The following ALMS1 variants were observed in gnomAD, a reference collection of about 807,000 sequenced individuals.
The protein encoded by ALMS1 is ALMS1 centrosome and basal body associated protein.
Under a neutral mutation model 352.2 loss-of-function variants are expected in ALMS1, and 271 were observed. The ratio of observed to expected loss-of-function variants is 0.77; its 90% CI spans 0.70 to 0.85. ALMS1 has a LOEUF of 0.85. Among genes scored for constraint, ALMS1 ranks in the 40% least tolerant of loss-of-function variants. The probability of loss-of-function intolerance (pLI) is 0.00; values close to 1 mark genes in which losing one functional copy is unlikely to be tolerated. For synonymous variants in ALMS1, 1,865 were observed against 1,761.2 expected (o/e 1.06, Z -1.48); for missense variants, 5,445 against 4,870.7 (o/e 1.12, Z -3.51).
At chr2:73,596,776 G>T (rs1486165543) in intron 16 of ALMS1, among the ~76,000 whole-genome samples, 3 of 149,584 alleles carry the variant, frequency 2.0e-5, no homozygotes, top group Admixed American at 2.0e-4. Flanking sequence ...GGCCAATCTA[G>T]ATCTGTCCTT....
At chr2:73,460,161 C>T (rs1672158599) in intron 9 of ALMS1, among the ~76,000 whole-genome samples, 1 of 152,160 alleles carries the variant, frequency 6.6e-6, no homozygotes, top group South Asian at 2.1e-4. Context: ...CTCAGCCCCA[C>T]TGCTCTTCAT....
Position 73,450,125 on chromosome 2 carries a change from A to AT in ALMS1, c.3602dup (p.Tyr1202LeufsTer8). The AT allele has an allele frequency of 6.2e-7, 1 of 1,614,008 alleles. No individual in the cohort carries two copies. The highest frequency in any genetic ancestry group is 8.5e-7 in the Non-Finnish European group (1 of 1,179,964). On this transcript the variant is annotated frameshift_variant, in exon 8 of 23. Coordinates refer to ENST00000613296, the MANE Select transcript of ALMS1 (RefSeq NM_001378454.1). LOFTEE classifies it high-confidence loss of function. ...CTACTCACAAAGAGAGAAACCTGGT[A>AT]TTTTCTATCAACAGACCTTGCCAGG... is the stretch of plus-strand genomic sequence containing the variant.
chr2:73,525,894 A>G lies in ALMS1; in HGVS notation c.9781+5878A>G, dbSNP rs550562154. 7.2e-5 allele frequency among the ~76,000 whole-genome samples: 11 copies of G among 152,236 alleles called. No individual in the cohort carries two copies. The South Asian group carries it at 2.3e-3, about 32-fold the overall frequency. ...AGTTTTCTCAGTGTTTTCTTCCTGT[A>G]GTTTCATAGCTTGAGGTCTTAGATT... On this transcript the variant is annotated intron_variant, in intron 11 of 22. Transcript: ENST00000613296.
intron 1 of ALMS1, among the ~76,000 whole-genome samples, chr2:73,388,693 A>G (rs139330907): frequency 1.6e-4 from 24 of 152,368 alleles, no homozygotes; most frequent in Admixed American, 1.6e-3. Flanking sequence ...GTATATTAAT[A>G]CATACTACAT....
chr2:73,545,948 A>G (rs980846833), intron 12 of ALMS1, among the ~76,000 whole-genome samples: 1 of 152,160 alleles, frequency 6.6e-6, no homozygotes, highest in Non-Finnish European at 1.5e-5. Context: ...TTATTTGGGT[A>G]TGATTCTAGA....
rs11895435 is a variant in ALMS1 at position 73,526,783 on chromosome 2, C to T, written c.9781+6767C>T. Among the ~76,000 whole-genome samples, 573 of 152,256 alleles carry T rather than the reference C, an allele frequency of 3.8e-3. 3 individuals are homozygous for T. The highest frequency in any genetic ancestry group is 0.013 in the African/African-American group (524 of 41,546). ...TCTATCTTTCTCTTGTCTGATTGCTCGAGCTAGGACTTCCAGTGCTATGTT... is the reference window on the plus strand; with the variant it reads ...TCTATCTTTCTCTTGTCTGATTGCTTGAGCTAGGACTTCCAGTGCTATGTT... On this transcript the variant is annotated intron_variant, in intron 11 of 22. Transcript: ENST00000613296.
In ALMS1 at chr2:73,449,576, T is replaced by A. The variant is rs997927277; in HGVS notation, c.3049T>A (p.Trp1017Arg). ...GCCCAGTATTTTCTATCAACAGGAG[T>A]GGCCAGATAGTTATGCAACTGAAAA... ...EKPSIFYQQE[W>R]PDSYATEKAL... The change falls in exon 8 of 23, where the codon TGG becomes AGG. Residue 1017 changes from tryptophan (W) to arginine (R), a missense_variant. Physicochemically the swap from Trp to Arg is moderately radical, Grantham distance 101. Transcript: ENST00000613296. 6 of 1,613,942 alleles carry A rather than the reference T, an allele frequency of 3.7e-6. No homozygotes were observed. In the Admixed American group the frequency reaches 8.3e-5, roughly 22 times the overall value.
chr2:73,407,415 C>G (rs1670992945), intron 1 of ALMS1, among the ~76,000 whole-genome samples: 1 of 152,140 alleles, frequency 6.6e-6, no homozygotes, highest in African/African-American at 2.4e-5. Flanking sequence ...GGGACAGATA[C>G]TCAAATCATA....
At chr2:73,456,152 T>G (rs1672055265) in intron 9 of ALMS1, among the ~76,000 whole-genome samples, 1 of 152,208 alleles carries the variant, frequency 6.6e-6, no homozygotes, top group Non-Finnish European at 1.5e-5. Context: ...TTGTTTCTCC[T>G]TTCCCAGTCA....
chr2:73,588,546 G>A (rs1164946614), intron 16 of ALMS1, among the ~76,000 whole-genome samples: 1 of 152,028 alleles, frequency 6.6e-6, no homozygotes, highest in Non-Finnish European at 1.5e-5. Context: ...CCCTTCTGCA[G>A]TTCTGTTTCT....
At chr2:73,467,591 A>G (rs938926295) in intron 9 of ALMS1, among the ~76,000 whole-genome samples, 12 of 152,054 alleles carry the variant, frequency 7.9e-5, no homozygotes, top group Admixed American at 5.9e-4. Flanking sequence ...CTTCATTCCT[A>G]CTTCTTTTTA....
At chr2:73,602,679 G>C (rs1675725889) in intron 20 of ALMS1, among the ~76,000 whole-genome samples, 1 of 152,176 alleles carries the variant, frequency 6.6e-6, no homozygotes, top group South Asian at 2.1e-4. Context: ...TTCCAGGCTT[G>C]CCTACCTCTT....
rs1671994463 is a variant in ALMS1 at position 73,453,489 on chromosome 2, C to A, written c.6962C>A (p.Pro2321Gln). Residue 2321 changes from proline (P) to glutamine (Q), a missense_variant, in exon 8 of 23, where the codon CCA becomes CAA. Transcript: ENST00000613296. ...VSNGDLLHRQ[P>Q]FTEESPSSRC... is the part of the protein sequence containing the mutation. ...AATGGTGATTTGCTTCACAGACAGC[C>A]ATTCACAGAGGAAAGCCCAAGCAGC... 1 of 1,613,486 alleles carries A rather than the reference C, an allele frequency of 6.2e-7. No individual in the cohort carries two copies. Among genetic ancestry groups the A allele is most frequent in the Non-Finnish European group, 8.5e-7 (1 of 1,179,808 alleles).
At chr2:73,440,154 T>C (rs937924722) in intron 7 of ALMS1, among the ~76,000 whole-genome samples, 1 of 152,004 alleles carries the variant, frequency 6.6e-6, no homozygotes, top group African/African-American at 2.4e-5. Context: ...CTAATTGTTT[T>C]ATATTTTTAG....
At position 73,453,603 on chromosome 2, in the gene ALMS1, T is replaced by A; in HGVS notation, c.7076T>A (p.Val2359Asp). Reference protein sequence around the residue: ...ENWEFISSTTVRSPLQEAESK... With the variant: ...ENWEFISSTTDRSPLQEAESK... ...TGGGAGTTTATTAGTTCAACTACAG[T>A]TAGAAGTCCTCTACAGGAAGCAGAG... The change falls in exon 8 of 23, where the codon GTT becomes GAT. Residue 2359 changes from valine (V) to aspartate (D), a missense_variant. Val to Asp is a radical substitution (Grantham distance 152, BLOSUM62 -3). Coordinates refer to ENST00000613296, the MANE Select transcript of ALMS1 (RefSeq NM_001378454.1). 1 of 1,613,914 alleles carries A rather than the reference T, an allele frequency of 6.2e-7. No individual in the cohort carries two copies. The highest frequency in any genetic ancestry group is 8.5e-7 in the Non-Finnish European group (1 of 1,179,988).
At chr2:73,603,003 G>A (rs573009441) in intron 20 of ALMS1, among the ~76,000 whole-genome samples, 2 of 152,250 alleles carry the variant, frequency 1.3e-5, no homozygotes, top group South Asian at 2.1e-4. Context: ...TTTAGAAACC[G>A]GCCAGATTTT....
At chr2:73,545,393 C>G (rs2104022072) in intron 12 of ALMS1, among the ~76,000 whole-genome samples, 2 of 152,158 alleles carry the variant, frequency 1.3e-5, no homozygotes, top group South Asian at 4.1e-4. Context: ...GTTGGCCAGG[C>G]TGGTCTCAAA....
intron 7 of ALMS1, among the ~76,000 whole-genome samples, chr2:73,438,396 A>G (rs910100565): frequency 1.3e-5 from 2 of 152,244 alleles, no homozygotes; most frequent in African/African-American, 4.8e-5. Flanking sequence ...CACACTTAAC[A>G]TAATTTGAAT....
chr2:73,541,953 G>T (rs1408411860), intron 12 of ALMS1, among the ~76,000 whole-genome samples: 1 of 152,160 alleles, frequency 6.6e-6, no homozygotes, highest in African/African-American at 2.4e-5. Context: ...GGAGGAGCTG[G>T]TACCATTCCT....
Sources: allele counts gnomAD v4.1 joint callset (sites outside exome capture counted in the v4.1 genomes callset), GRCh38; gene constraint gnomAD v4.1.1; transcripts MANE v1.5; gene names NCBI Gene and HGNC (gene_info 2026-07-23, HGNC 2026-07-21).